Variants in SMAD6 observed in about 807,000 individuals in gnomAD.
SMAD6 encodes the protein MAD homolog 6.
Under a neutral mutation model 39.4 loss-of-function variants are expected in SMAD6, and 103 were observed. The observed-to-expected ratio is 2.62, with a 90% CI of 2.23 to 3.08. The LOEUF (loss-of-function observed/expected upper bound fraction) is 3.08. Among genes scored for constraint, SMAD6 ranks in the 30% most tolerant of loss-of-function variants. The pLI, the probability that SMAD6 is intolerant of heterozygous loss-of-function variation, is 0.00. For synonymous variants in SMAD6, 445 were observed against 353.3 expected (o/e 1.26, Z -2.91); for missense variants, 1,104 against 742.9 (o/e 1.49, Z -5.65).
intron 3 of SMAD6, chr15:66,740,544 T>C (rs530617303): frequency 6.6e-6 from 1 of 152,300 alleles, no homozygotes; most frequent in Admixed American, 6.5e-5. Context: ...CTCTGAGTCT[T>C]GGTGTTTCTT....
At chr15:66,733,950 A>G (rs1345423122) in intron 3 of SMAD6, among the ~76,000 whole-genome samples, 1 of 152,202 alleles carries the variant, frequency 6.6e-6, no homozygotes, top group Non-Finnish European at 1.5e-5. Context: ...CAGAACTGAC[A>G]GGGCAGGGCA....
At chr15:66,754,666 G>A (rs1350209819) in intron 3 of SMAD6, among the ~76,000 whole-genome samples, 3 of 152,158 alleles carry the variant, frequency 2.0e-5, no homozygotes, top group East Asian at 1.9e-4. Flanking sequence ...GGCATTTTAC[G>A]TAGAGTGTCT....
At position 66,703,030 on chromosome 15, in the gene SMAD6, GACTGCGGCTCGGCGTGCGCGT is replaced by G; in HGVS notation, c.-228_-208del. On this transcript the variant is annotated 5_prime_UTR_variant, in exon 1 of 4. Coordinates refer to ENST00000288840, the MANE Select transcript of SMAD6 (RefSeq NM_005585.5). ...TCCATGTAGCCGCTGGCCGCGCGCG[GACTGCGGCTCGGCGTGCGCGT>G]GTTCCCGGCCGTCCCGCCTCGGCGA... 5.2e-6 allele frequency: 2 copies of G among 385,588 alleles called. No homozygotes were observed. The highest frequency in any genetic ancestry group is 2.1e-5 in the African/African-American group (1 of 47,888). The allele number at this position is 385,588 out of a possible 1,614,324, so 23.9% of individuals were successfully genotyped here.
intron 3 of SMAD6, among the ~76,000 whole-genome samples, chr15:66,723,786 G>A (rs1362810070): frequency 6.6e-6 from 1 of 152,212 alleles, no homozygotes; most frequent in East Asian, 1.9e-4. Flanking sequence ...GAGAAAGACT[G>A]GACCTTCCCC....
chr15:66,753,105 G>A (rs1894035934), intron 3 of SMAD6, among the ~76,000 whole-genome samples: 1 of 152,182 alleles, frequency 6.6e-6, no homozygotes, highest in South Asian at 2.1e-4. Context: ...GAGAGGGGAG[G>A]AGGCTTGTTT....
chr15:66,745,016 G>A (rs1199206728), intron 3 of SMAD6, among the ~76,000 whole-genome samples: 1 of 152,138 alleles, frequency 6.6e-6, no homozygotes, highest in East Asian at 1.9e-4. Flanking sequence ...TTAGCCCTAT[G>A]GGTCCAACAA....
intron 3 of SMAD6, chr15:66,741,267 A>C (rs529750197): frequency 2.0e-5 from 3 of 152,012 alleles, no homozygotes. Flanking sequence ...GCCCTCCCCA[A>C]CCCTCCCTCA....
intron 3 of SMAD6, among the ~76,000 whole-genome samples, chr15:66,744,646 C>G (rs572711818): frequency 1.9e-4 from 29 of 152,368 alleles, no homozygotes; most frequent in Admixed American, 1.6e-3. Flanking sequence ...GGCTACACCC[C>G]CTAAGCCTAG....
chr15:66,708,741 AAGTT>A (rs1326013569), intron 1 of SMAD6: 1 of 471,446 alleles, frequency 2.1e-6, no homozygotes, highest in African/African-American at 2.0e-5. Context: ...GACACAAAGT[AAGTT>A]AGTGGTTGCC....
At chr15:66,727,966 C>G (rs1893552586) in intron 3 of SMAD6, among the ~76,000 whole-genome samples, 1 of 152,136 alleles carries the variant, frequency 6.6e-6, no homozygotes, top group Non-Finnish European at 1.5e-5. Flanking sequence ...AATTCTCCTG[C>G]CTCAGCCTCC....
At chr15:66,778,352 G>GC (rs1894502480) in intron 3 of SMAD6, among the ~76,000 whole-genome samples, 1 of 152,172 alleles carries the variant, frequency 6.6e-6, no homozygotes, top group Non-Finnish European at 1.5e-5. Context: ...AGAGTTCCCA[G>GC]CCAGAAACCT....
intron 3 of SMAD6, among the ~76,000 whole-genome samples, chr15:66,731,825 C>T (rs1475251734): frequency 6.6e-6 from 1 of 152,174 alleles, no homozygotes; most frequent in African/African-American, 2.4e-5. Context: ...TACCATTTTG[C>T]AATCCCAACA....
At chr15:66,756,731 G>A (rs910166453) in intron 3 of SMAD6, among the ~76,000 whole-genome samples, 9 of 152,260 alleles carry the variant, frequency 5.9e-5, no homozygotes, top group African/African-American at 2.2e-4. Flanking sequence ...TAGGTTTGAG[G>A]AAACCAAAGC....
intron 3 of SMAD6, among the ~76,000 whole-genome samples, chr15:66,739,401 T>C (rs949669824): frequency 6.6e-6 from 1 of 152,210 alleles, no homozygotes; most frequent in Admixed American, 6.5e-5. Flanking sequence ...ACCCAGGCCT[T>C]CTAACTGCCA....
chr15:66,732,398 C>T (rs1893646113), intron 3 of SMAD6, among the ~76,000 whole-genome samples: 1 of 152,202 alleles, frequency 6.6e-6, no homozygotes, highest in Non-Finnish European at 1.5e-5. Flanking sequence ...GTCACCCAGG[C>T]TGGAGTACAG....
At chr15:66,751,817 C>T (rs573388024) in intron 3 of SMAD6, among the ~76,000 whole-genome samples, 2 of 152,336 alleles carry the variant, frequency 1.3e-5, no homozygotes, top group South Asian at 4.1e-4. Flanking sequence ...CTTTGGCGAT[C>T]AGCCAGACCA....
In SMAD6 at chr15:66,703,364, G is replaced by A. The variant is rs773308777; in HGVS notation, c.106G>A (p.Asp36Asn). Reference protein sequence around the residue: ...GSGGGGGGDEDGSLGSRAEPA... With the variant: ...GSGGGGGGDENGSLGSRAEPA... ...CGGCGGCGGCGGTGGCGGCGACGAG[G>A]ATGGGAGCTTGGGCAGCCGAGCTGA... Residue 36 changes from aspartate to asparagine, a missense_variant, in exon 1 of 4, where the codon GAT becomes AAT. Coordinates refer to ENST00000288840, the MANE Select transcript of SMAD6 (RefSeq NM_005585.5). 17 of 1,475,420 alleles carry A rather than the reference G, an allele frequency of 1.2e-5. No individual in the cohort carries two copies. Among genetic ancestry groups the A allele is most frequent in the Middle Eastern group, 4.7e-4 (2 of 4,266 alleles). 91.4% of individuals were successfully genotyped at this position (1,475,420 alleles called of 1,614,324 possible).
chr15:66,714,962 T>G (rs1386056394), intron 2 of SMAD6, among the ~76,000 whole-genome samples: 1 of 151,278 alleles, frequency 6.6e-6, no homozygotes, highest in East Asian at 1.9e-4. Context: ...CTCTGGGCAC[T>G]GAGCACTTTG....
At chr15:66,774,053 A>G (rs996297113) in intron 3 of SMAD6, among the ~76,000 whole-genome samples, 1 of 152,208 alleles carries the variant, frequency 6.6e-6, no homozygotes, top group African/African-American at 2.4e-5. Flanking sequence ...GAAGACCCAG[A>G]GGACTCGGGC....
Sources: gnomAD v4.1 joint callset for allele counts (sites outside exome capture counted in the v4.1 genomes callset) on GRCh38, gnomAD v4.1.1 for gene constraint, MANE v1.5 for transcripts, NCBI Gene and HGNC (gene_info 2026-07-23, HGNC 2026-07-21) for gene names.